The following CSMD3 variants were observed in gnomAD, a reference collection of about 807,000 sequenced individuals.
CSMD3 encodes the protein CUB and sushi domain-containing protein 3.
A neutral mutation model predicts 435.2 loss-of-function variants in CSMD3; 177 were observed. That is an observed-to-expected ratio of 0.41 (90% confidence interval 0.36 to 0.46). The LOEUF is 0.46. CSMD3 is among the 20% of genes least tolerant of loss of function. The pLI is 0.34. For missense variants in CSMD3, 4,265 were observed against 4,504.6 expected (o/e 0.95, Z 1.52); for synonymous variants, 1,656 against 1,520.5 (o/e 1.09, Z -2.07).
intron 14 of CSMD3, among the ~76,000 whole-genome samples, chr8:112,686,658 G>A (rs2076019289): frequency 6.6e-6 from 1 of 151,754 alleles, no homozygotes; most frequent in Non-Finnish European, 1.5e-5. Flanking sequence ...GCTAATTTTT[G>A]TATTTTTAGT....
At chr8:113,016,289 T>C (rs546675134) in intron 6 of CSMD3, among the ~76,000 whole-genome samples, 255 of 152,008 alleles carry the variant, frequency 1.7e-3, no homozygotes, top group Non-Finnish European at 2.1e-3. Flanking sequence ...CTATGCTTTT[T>C]AGCATGCTAT....
intron 3 of CSMD3, among the ~76,000 whole-genome samples, chr8:113,257,877 A>G (rs1022350367): frequency 1.3e-5 from 2 of 152,210 alleles, no homozygotes; most frequent in African/African-American, 2.4e-5. Context: ...TTTGAAAAAA[A>G]TAACACACTA....
At chr8:113,301,827 C>A (rs1016346376) in intron 2 of CSMD3, among the ~76,000 whole-genome samples, 6 of 151,844 alleles carry the variant, frequency 4.0e-5, no homozygotes, top group Non-Finnish European at 8.8e-5. Flanking sequence ...AAGGAAAAGT[C>A]CCCTTTTTAC....
At chr8:112,927,489 T>C (rs2082947794) in intron 9 of CSMD3, among the ~76,000 whole-genome samples, 1 of 152,126 alleles carries the variant, frequency 6.6e-6, no homozygotes, top group Non-Finnish European at 1.5e-5. Context: ...TTCTCTTGAA[T>C]ATTCAACTCT....
intron 31 of CSMD3, among the ~76,000 whole-genome samples, chr8:112,491,574 C>T (rs551507174): frequency 1.5e-4 from 23 of 152,100 alleles, no homozygotes; most frequent in Middle Eastern, 3.4e-3. Context: ...CACTTGATTG[C>T]GGGAGGTGGA....
chr8:113,406,319 G>C (rs2094532601), intron 1 of CSMD3, among the ~76,000 whole-genome samples: 2 of 151,996 alleles, frequency 1.3e-5, no homozygotes, highest in East Asian at 3.9e-4. Context: ...GGGGAACCAT[G>C]AGAGGTAACA....
At chr8:113,420,428 A>C (rs185391013) in intron 1 of CSMD3, among the ~76,000 whole-genome samples, 2 of 152,220 alleles carry the variant, frequency 1.3e-5, no homozygotes, top group African/African-American at 4.8e-5. Context: ...AAGACAGATA[A>C]AAAAATACAA....
At chr8:112,731,666 C>T (rs1384613197) in intron 13 of CSMD3, among the ~76,000 whole-genome samples, 1 of 151,952 alleles carries the variant, frequency 6.6e-6, no homozygotes, top group Non-Finnish European at 1.5e-5. Context: ...ATTGCATTTG[C>T]CACAGTGTAT....
intron 7 of CSMD3, among the ~76,000 whole-genome samples, chr8:112,967,155 G>A (rs557117127): frequency 1.1e-4 from 16 of 139,164 alleles, no homozygotes; most frequent in South Asian, 4.9e-4. Context: ...TTTGAAAAGC[G>A]TACTATAAGA....
At chr8:112,275,132 C>T (rs1165341879) in intron 59 of CSMD3, among the ~76,000 whole-genome samples, 1 of 151,722 alleles carries the variant, frequency 6.6e-6, no homozygotes, top group Non-Finnish European at 1.5e-5. Flanking sequence ...GGCACACTCA[C>T]TAGAACTTTT....
intron 45 of CSMD3, among the ~76,000 whole-genome samples, chr8:112,331,375 A>G (rs1047372598): frequency 2.6e-5 from 4 of 152,038 alleles, no homozygotes; most frequent in African/African-American, 9.6e-5. Context: ...AAAAAATATG[A>G]TATCTGAGGT....
intron 44 of CSMD3, among the ~76,000 whole-genome samples, chr8:112,335,959 C>T (rs764115034): frequency 3.3e-5 from 5 of 152,144 alleles, no homozygotes; most frequent in Non-Finnish European, 5.9e-5. Context: ...GTTGCCCATG[C>T]TGGAGTGCAG....
In CSMD3 at chr8:112,409,017, A is replaced by C. The variant is rs1832097337; in HGVS notation, c.5411T>G (p.Phe1804Cys). The stretch of plus-strand genomic sequence containing the variant: ...GTGGAGTGATGTCTGGAAAAATACA[A>C]ACTGGCCAAACACCACTGATCAACA... ...VPKEFVVFGQ[F>C]VFFQTSLHDV... The change falls in exon 33 of 71, where the codon TTT (phenylalanine) becomes TGT (cysteine). Residue 1804 changes from phenylalanine (F) to cysteine (C), a missense_variant. By Grantham distance (205) the Phe-to-Cys change is radical. This residue lies in a region of CSMD3 where 3,255 missense variants were observed against 3,380.2 expected (regional missense o/e 0.96). Transcript: ENST00000297405. 6.2e-7 allele frequency: 1 copy of C among 1,613,474 alleles called. No individual in the cohort carries two copies. Among genetic ancestry groups the C allele is most frequent in the Non-Finnish European group, 8.5e-7 (1 of 1,179,666 alleles).
intron 3 of CSMD3, among the ~76,000 whole-genome samples, chr8:113,245,983 T>C (rs1563598774): frequency 6.6e-6 from 1 of 152,054 alleles, no homozygotes; most frequent in Admixed American, 6.6e-5. Flanking sequence ...TTTATCTTAT[T>C]GAAGATCCCT....
chr8:113,064,926 CA>C (rs1208246368), intron 5 of CSMD3, among the ~76,000 whole-genome samples: 1 of 152,048 alleles, frequency 6.6e-6, no homozygotes, highest in African/African-American at 2.4e-5. Flanking sequence ...ATATGTGTCA[CA>C]GATTAGCACC....
At chr8:113,061,607 G>A (rs1044533848) in intron 5 of CSMD3, among the ~76,000 whole-genome samples, 1 of 152,034 alleles carries the variant, frequency 6.6e-6, no homozygotes, top group African/African-American at 2.4e-5. Context: ...TCATTAAACT[G>A]TTTTGATTTA....
At chr8:112,679,220 G>C (rs1363654291) in intron 16 of CSMD3, among the ~76,000 whole-genome samples, 1 of 152,022 alleles carries the variant, frequency 6.6e-6, no homozygotes. Context: ...TTAATTAGAG[G>C]CTAAGAAATC....
intron 1 of CSMD3, among the ~76,000 whole-genome samples, chr8:113,417,445 T>C (rs1477021300): frequency 6.6e-6 from 1 of 151,912 alleles, no homozygotes; most frequent in Non-Finnish European, 1.5e-5. Context: ...TCTGTTTTTG[T>C]GAAAGATAAT....
chr8:112,314,087 T>C (rs906123170), intron 48 of CSMD3, 35 bp from the exon 49 acceptor site: 18 of 1,486,652 alleles, frequency 1.2e-5, no homozygotes, highest in Admixed American at 3.4e-5. Context: ...TAGATAAAGC[T>C]AATTATATTC....
Sources: allele counts gnomAD v4.1 joint callset (sites outside exome capture counted in the v4.1 genomes callset), GRCh38; gene constraint gnomAD v4.1.1; regional missense constraint gnomAD v4.1.1; transcripts MANE v1.5; gene names NCBI Gene and HGNC (gene_info 2026-07-23, HGNC 2026-07-21).